Variants in DPP10 observed in about 807,000 individuals in gnomAD.
The protein encoded by DPP10 is dipeptidyl peptidase like 10, also known as inactive dipeptidyl peptidase 10.
Under a neutral mutation model 120.9 loss-of-function variants are expected in DPP10, and 33 were observed. The ratio of observed to expected loss-of-function variants is 0.27; its 90% confidence interval spans 0.21 to 0.37. The LOEUF (loss-of-function observed/expected upper bound fraction) is 0.37. DPP10 is among the 10% of genes least tolerant of loss of function. The pLI, the probability that DPP10 is intolerant of heterozygous loss-of-function variation, is 1.00. For missense variants in DPP10, 816 were observed against 942.8 expected (o/e 0.87, Z 1.76); for synonymous variants, 337 against 326.1 (o/e 1.03, Z -0.36).
intron 3 of DPP10, among the ~76,000 whole-genome samples, chr2:115,403,981 AAAT>A (rs2068315173): frequency 6.6e-6 from 1 of 152,214 alleles, no homozygotes; most frequent in Non-Finnish European, 1.5e-5. Context: ...ATTTTTTAAA[AAAT>A]CTCATTTACA....
At chr2:115,116,522 G>A in intron 1 of DPP10, among the ~76,000 whole-genome samples, 1 of 152,128 alleles carries the variant, frequency 6.6e-6, no homozygotes, top group African/African-American at 2.4e-5. Context: ...AAACTGTGAT[G>A]TGCATATTTC....
rs553163741 is a variant in DPP10 at position 114,878,000 on chromosome 2, C to T, written c.61-431239C>T. ...AAGAAGGCTGCTGGGAATCAGAGTG[C>T]CCCACTCTCTACTTATGTCCAGATG... On this transcript the variant is annotated intron_variant, in intron 1 of 25. Coordinates refer to ENST00000410059, the MANE Select transcript of DPP10 (RefSeq NM_020868.6). Among the ~76,000 whole-genome samples, 5 of 152,026 alleles carry T rather than the reference C, an allele frequency of 3.3e-5. No homozygotes were observed. In the South Asian group the frequency reaches 6.2e-4, roughly 19 times the overall value.
At chr2:115,406,267 C>T (rs1401782477) in intron 3 of DPP10, among the ~76,000 whole-genome samples, 1 of 152,160 alleles carries the variant, frequency 6.6e-6, no homozygotes, top group Admixed American at 6.5e-5. Flanking sequence ...AGTCCTATTT[C>T]CATCTGAGGT....
At chr2:114,920,554 T>C (rs1695126848) in intron 1 of DPP10, among the ~76,000 whole-genome samples, 1 of 152,226 alleles carries the variant, frequency 6.6e-6, no homozygotes, top group African/African-American at 2.4e-5. Context: ...TACTATCTTG[T>C]GAATAACTAT....
At chr2:115,360,916 G>A (rs1053921389) in intron 3 of DPP10, among the ~76,000 whole-genome samples, 1 of 152,130 alleles carries the variant, frequency 6.6e-6, no homozygotes, top group African/African-American at 2.4e-5. Context: ...TGGTACCCAG[G>A]GCCTAGAGTT....
intron 1 of DPP10, among the ~76,000 whole-genome samples, chr2:114,921,654 T>C (rs1402826105): frequency 6.6e-6 from 1 of 152,254 alleles, no homozygotes; most frequent in African/African-American, 2.4e-5. Flanking sequence ...AATGAAATGC[T>C]ACTTATGCTC....
intron 1 of DPP10, among the ~76,000 whole-genome samples, chr2:115,026,272 T>C (rs1167052663): frequency 6.6e-6 from 1 of 152,136 alleles, no homozygotes; most frequent in African/African-American, 2.4e-5. Context: ...AGCACCATTT[T>C]TTGAAGAGAC....
intron 1 of DPP10, among the ~76,000 whole-genome samples, chr2:115,290,422 A>T (rs1221689684): frequency 6.6e-6 from 1 of 152,128 alleles, no homozygotes; most frequent in Admixed American, 6.6e-5. Context: ...GCAGGTGGAT[A>T]TGTGATTAAG....
rs540507069 is a variant in DPP10, at chr2:115,804,150, A to G, written c.1701-10643A>G. 6.6e-4 allele frequency among the ~76,000 whole-genome samples: 101 copies of G among 152,014 alleles called. 2 individuals are homozygous for G. The highest frequency in any genetic ancestry group is 2.3e-3 in the African/African-American group (95 of 41,424). On this transcript the variant is annotated intron_variant, in intron 19 of 25. Transcript: ENST00000410059. ...CATTTCTTTTTATTCTTTTTTCTCT[A>G]AACTTCTCTTCATGCTTCATTTCAT...
At chr2:115,334,257 G>A in intron 2 of DPP10, among the ~76,000 whole-genome samples, 1 of 23,858 alleles carries the variant, frequency 4.2e-5, no homozygotes, top group Non-Finnish European at 1.3e-4. Context: ...AAGAAACCTA[G>A]CTATTTCTGC....
chr2:115,552,739 AT>A (rs1252235105), intron 5 of DPP10, among the ~76,000 whole-genome samples: 1 of 152,138 alleles, frequency 6.6e-6, no homozygotes, highest in Non-Finnish European at 1.5e-5. Context: ...TTAAATATTT[AT>A]TAATGAAAAA....
intron 7 of DPP10, among the ~76,000 whole-genome samples, chr2:115,714,935 C>G (rs1383800390): frequency 6.7e-6 from 1 of 149,494 alleles, no homozygotes; most frequent in Admixed American, 6.8e-5. Flanking sequence ...GATGCTGAGG[C>G]TGGAGAACCA....
At chr2:115,117,234 G>A (rs184398009) in intron 1 of DPP10, among the ~76,000 whole-genome samples, 1 of 152,264 alleles carries the variant, frequency 6.6e-6, no homozygotes, top group East Asian at 1.9e-4. Context: ...ACAAGGTACA[G>A]CAAGTTAAAT....
At chr2:115,403,429 T>A (rs953172476) in intron 3 of DPP10, among the ~76,000 whole-genome samples, 4 of 129,964 alleles carry the variant, frequency 3.1e-5, no homozygotes, top group Non-Finnish European at 6.6e-5. Flanking sequence ...ATACAGAGTC[T>A]CACTCTGTTG....
chr2:115,602,605 A>C (rs907467190), intron 5 of DPP10, among the ~76,000 whole-genome samples: 4 of 152,110 alleles, frequency 2.6e-5, no homozygotes, highest in Non-Finnish European at 2.9e-5. Flanking sequence ...ATTTTATAAT[A>C]CTAAGATTTC....
chr2:115,746,644 C>A (rs1867816), intron 10 of DPP10, among the ~76,000 whole-genome samples: 47,927 of 151,918 alleles, frequency 0.32, 8,461 homozygotes, highest in African/African-American at 0.46. Context: ...TCAAAATATC[C>A]TATGTATGAA....
intron 4 of DPP10, among the ~76,000 whole-genome samples, chr2:115,508,472 CAT>C: frequency 6.6e-6 from 1 of 152,114 alleles, no homozygotes; most frequent in East Asian, 1.9e-4. Flanking sequence ...CAATTTATGA[CAT>C]AGAATAACTG....
At chr2:114,496,171 C>A (rs1038877311) in intron 1 of DPP10, among the ~76,000 whole-genome samples, 2 of 152,002 alleles carry the variant, frequency 1.3e-5, no homozygotes, top group East Asian at 1.9e-4. Flanking sequence ...GGGAGTGGGG[C>A]AGGGAGAGAA....
chr2:114,571,417 T>G (rs947921450), intron 1 of DPP10, among the ~76,000 whole-genome samples: 1 of 152,200 alleles, frequency 6.6e-6, no homozygotes, highest in African/African-American at 2.4e-5. Context: ...GATGCTGTCA[T>G]GCTTCCTGGA....
Sources: allele counts gnomAD v4.1 joint callset (sites outside exome capture counted in the v4.1 genomes callset), GRCh38; gene constraint gnomAD v4.1.1; transcripts MANE v1.5; gene names NCBI Gene and HGNC (gene_info 2026-07-23, HGNC 2026-07-21).